ATF6: variants seen among roughly 807,000 people sequenced by gnomAD.
ATF6 encodes the protein activating transcription factor 6.
ATF6 carries 53 observed loss-of-function variants against 83.6 expected under a neutral mutation model. That is an observed-to-expected ratio of 0.63 (90% CI 0.51 to 0.80). The LOEUF is 0.80. ATF6 is among the 30% of genes least tolerant of loss of function. The pLI is 0.00. For synonymous variants in ATF6, 288 were observed against 285.8 expected, an observed-to-expected ratio of 1.01 and a Z score of -0.08; for missense variants, 744 against 797.9, an observed-to-expected ratio of 0.93 and a Z score of 0.81.
rs531939645 is a variant in ATF6, at chr1:161,878,800, C to T, written c.1719+15488C>T. Among the ~76,000 whole-genome samples, 30 of 152,216 alleles carry T rather than the reference C, an allele frequency of 2.0e-4. 1 individual carries two copies. The highest frequency in any genetic ancestry group is 1.3e-3 in the Admixed American group (20 of 15,282). On this transcript the variant is annotated intron_variant, in intron 14 of 15. Transcript: ENST00000367942. ...ACTGGATATGTCAACATGAAAGTCA[C>T]TGATACACTTGACAAGAGCCTTTTA... is the stretch of plus-strand genomic sequence containing the variant.
chr1:161,785,654 C>T (rs1571127497), intron 4 of ATF6, among the ~76,000 whole-genome samples: 1 of 152,064 alleles, frequency 6.6e-6, no homozygotes, highest in Non-Finnish European at 1.5e-5. Context: ...TAGTAAATAA[C>T]CTGGTACATA....
At position 161,766,356 on chromosome 1, in the gene ATF6, G is replaced by A; in HGVS notation, c.-5G>A. On this transcript the variant is annotated 5_prime_UTR_variant, in exon 1 of 16. In the 5' UTR this introduces an upstream ATG that the reference lacks. Coordinates refer to ENST00000367942, the MANE Select transcript of ATF6 (RefSeq NM_007348.4). The stretch of plus-strand genomic sequence containing the variant: ...ACGGAGTTCCAGGGAGAAGGAACTT[G>A]TGAAATGGGGGAGCCGGCTGGGGTT... 6.2e-7 allele frequency: 1 copy of A among 1,613,134 alleles called. No homozygotes were observed. Among genetic ancestry groups the A allele is most frequent in the African/African-American group, 1.3e-5 (1 of 75,052 alleles).
rs546282261 is a variant in ATF6, at chr1:161,766,426, G to C, written c.66G>C (p.Arg22Ser). The stretch of plus-strand genomic sequence containing the variant: ...CTTTTAGCCCGGGACTCTTTCACAG[G>C]CTGGATGAAGATTGGGGTGAGTGGG... ...ESPFSPGLFH[R>S]LDEDWDSALF... Residue 22 changes from arginine (R) to serine (S), a missense_variant, in exon 1 of 16, where the codon AGG becomes AGC. Physicochemically the swap from Arg to Ser is moderately radical, Grantham distance 110. Transcript: ENST00000367942. The C allele has an allele frequency of 3.7e-6, 6 of 1,613,312 alleles. No homozygotes were observed. Among genetic ancestry groups the C allele is most frequent in the Middle Eastern group, 3.3e-4 (2 of 6,058 alleles).
intron 10 of ATF6, 74 bp from the exon 11 acceptor site, chr1:161,851,648 T>A (rs1686634400): frequency 2.1e-6 from 2 of 975,282 alleles, no homozygotes; most frequent in East Asian, 4.9e-5. Context: ...TTAACACTAA[T>A]GATGATTTTC....
chr1:161,809,510 G>A (rs998400312), intron 7 of ATF6, among the ~76,000 whole-genome samples: 16 of 152,300 alleles, frequency 1.1e-4, no homozygotes, highest in African/African-American at 3.4e-4. Context: ...ACATAAGTGT[G>A]CATGTGTCTT....
chr1:161,801,359 CT>C (rs1170991022), intron 6 of ATF6, among the ~76,000 whole-genome samples: 1,598 of 95,302 alleles, frequency 0.017, 8 homozygotes, highest in African/African-American at 0.038. Flanking sequence ...TATTTGTAGT[CT>C]TTTTTTTTTT....
intron 7 of ATF6, among the ~76,000 whole-genome samples, chr1:161,805,787 A>G (rs11576878): frequency 0.21 from 31,739 of 150,104 alleles, 4,165 homozygotes; most frequent in Non-Finnish European, 0.29. Context: ...AACCAAAAGT[A>G]TGGTGAAAGA....
rs557625236 is a variant in ATF6 at position 161,860,389 on chromosome 1, A to C, written c.1604+112A>C. 1.2e-5 allele frequency: 5 copies of C among 425,670 alleles called. No homozygotes were observed. The East Asian group carries it at 2.0e-4, about 17-fold the overall frequency. 26.4% of individuals were successfully genotyped at this position (425,670 alleles called of 1,614,324 possible). A position where few individuals can be genotyped will look rare whatever the true frequency, so the allele number is the denominator to read the frequency against. ...AAATTTGTTCTCATCTATGAGTTTT[A>C]TATTAGTCATATACTCTAAGATATA... On this transcript the variant is annotated intron_variant, in intron 13 of 15. Coordinates refer to ENST00000367942, the MANE Select transcript of ATF6 (RefSeq NM_007348.4).
chr1:161,902,027 A>G (rs1198301724), intron 14 of ATF6, among the ~76,000 whole-genome samples: 2 of 151,428 alleles, frequency 1.3e-5, no homozygotes, highest in African/African-American at 4.9e-5. Context: ...GGTCATACTC[A>G]TGGTGGTAGA....
At chr1:161,949,078 T>C (rs894101181) in intron 15 of ATF6, among the ~76,000 whole-genome samples, 5 of 152,292 alleles carry the variant, frequency 3.3e-5, no homozygotes, top group Admixed American at 2.0e-4. Context: ...ACTGAATCTA[T>C]AGGACAACCT....
chr1:161,899,449 T>G (rs545388139), intron 14 of ATF6, among the ~76,000 whole-genome samples: 1 of 152,324 alleles, frequency 6.6e-6, no homozygotes, highest in African/African-American at 2.4e-5. Context: ...AAATTGCTTT[T>G]CAAAACCGAT....
At chr1:161,789,876 C>T (rs771241775) in intron 4 of ATF6, among the ~76,000 whole-genome samples, 2 of 152,154 alleles carry the variant, frequency 1.3e-5, no homozygotes, top group Non-Finnish European at 2.9e-5. Context: ...TATTTTAATA[C>T]ACTCTACATA....
At chr1:161,827,608 G>A (rs777585473) in intron 9 of ATF6, among the ~76,000 whole-genome samples, 15 of 151,432 alleles carry the variant, frequency 9.9e-5, no homozygotes, top group African/African-American at 1.7e-4. Flanking sequence ...GATGTTCAGC[G>A]TAGAACTGAA....
intron 9 of ATF6, among the ~76,000 whole-genome samples, chr1:161,829,773 C>G (rs1033937160): frequency 6.6e-6 from 1 of 152,166 alleles, no homozygotes; most frequent in Non-Finnish European, 1.5e-5. Flanking sequence ...GCTAAAAACT[C>G]TCAATAAACT....
At chr1:161,941,049 A>G (rs1377939291) in intron 15 of ATF6, among the ~76,000 whole-genome samples, 1 of 152,220 alleles carries the variant, frequency 6.6e-6, no homozygotes, top group East Asian at 1.9e-4. Flanking sequence ...TCAGTGCCCA[A>G]CACATAATAG....
At chr1:161,907,066 G>C (rs943187540) in intron 14 of ATF6, among the ~76,000 whole-genome samples, 3 of 152,044 alleles carry the variant, frequency 2.0e-5, no homozygotes, top group Non-Finnish European at 2.9e-5. Flanking sequence ...TTCCCAAATT[G>C]CCATTGCTTT....
chr1:161,843,136 C>G (rs555807605), intron 9 of ATF6, among the ~76,000 whole-genome samples: 5 of 152,324 alleles, frequency 3.3e-5, no homozygotes, highest in African/African-American at 4.8e-5. Context: ...GTTCCGCACA[C>G]TCATTCAGAC....
chr1:161,767,416 G>GATTTTTTA (rs1684290181), intron 1 of ATF6, among the ~76,000 whole-genome samples: 2 of 152,126 alleles, frequency 1.3e-5, no homozygotes, highest in Non-Finnish European at 2.9e-5. Context: ...TTTAATCCTT[G>GATTTTTTA]GGTAGATTTT....
intron 14 of ATF6, among the ~76,000 whole-genome samples, chr1:161,887,420 G>A (rs927527485): frequency 4.6e-5 from 7 of 152,104 alleles, no homozygotes; most frequent in African/African-American, 1.4e-4. Flanking sequence ...GTTCATAAGC[G>A]GTAAATAAAG....
Sources: gnomAD v4.1 joint callset for allele counts (sites outside exome capture counted in the v4.1 genomes callset) on GRCh38, gnomAD v4.1.1 for gene constraint, MANE v1.5 for transcripts, NCBI Gene and HGNC (gene_info 2026-07-23, HGNC 2026-07-21) for gene names.